TTC28: variants seen among roughly 807,000 people sequenced by gnomAD.
TTC28 encodes the protein tetratricopeptide repeat protein 28.
In TTC28, 61 loss-of-function variants were observed where a neutral mutation model predicts 198.0. The ratio of observed to expected loss-of-function variants is 0.31; its 90% CI spans 0.25 to 0.38. The LOEUF is 0.38. Ranked by LOEUF, TTC28 falls within the 10% of genes least tolerant of loss-of-function variation. The pLI is 1.00. For synonymous variants in TTC28, 1,171 were observed against 1,297.8 expected (o/e 0.90, Z 2.10); for missense variants, 2,678 against 3,164.0 (o/e 0.85, Z 3.69).
intron 3 of TTC28, among the ~76,000 whole-genome samples, chr22:28,305,581 T>C (rs2045127481): frequency 1.3e-5 from 2 of 152,190 alleles, no homozygotes; most frequent in Admixed American, 1.3e-4. Flanking sequence ...TGAATGATGC[T>C]GCCATCAAAA....
At chr22:28,287,284 T>C (rs982681834) in intron 5 of TTC28, among the ~76,000 whole-genome samples, 6 of 152,102 alleles carry the variant, frequency 3.9e-5, no homozygotes, top group African/African-American at 1.4e-4. Context: ...TGGATATACA[T>C]ATGGGGAAAA....
At chr22:27,990,217 G>C in intron 20 of TTC28, 1 of 610,568 alleles carries the variant, frequency 1.6e-6, no homozygotes, top group South Asian at 3.4e-5. Context: ...GGGGCAAGAG[G>C]CTGTGTGGCC....
At chr22:28,386,150 C>G (rs1024926972) in intron 2 of TTC28, among the ~76,000 whole-genome samples, 2 of 150,014 alleles carry the variant, frequency 1.3e-5, no homozygotes, top group Admixed American at 6.6e-5. Context: ...TGGCGGGCGC[C>G]TGTAGTCCTA....
chr22:28,316,081 A>G (rs1479751337), intron 2 of TTC28, among the ~76,000 whole-genome samples: 1 of 151,924 alleles, frequency 6.6e-6, no homozygotes, highest in Non-Finnish European at 1.5e-5. Flanking sequence ...AGCTTGAGTT[A>G]CTCCATATTG....
chr22:28,111,904 C>T (rs1307266681), intron 6 of TTC28, among the ~76,000 whole-genome samples: 2 of 152,120 alleles, frequency 1.3e-5, no homozygotes, highest in Non-Finnish European at 2.9e-5. Flanking sequence ...TCTCCTTGGA[C>T]GCTCCCCACT....
intron 5 of TTC28, among the ~76,000 whole-genome samples, chr22:28,180,598 C>A (rs1923606345): frequency 6.6e-6 from 1 of 152,200 alleles, no homozygotes; most frequent in South Asian, 2.1e-4. Context: ...TTCAGCCCAT[C>A]ATTTGATCCT....
intron 6 of TTC28, among the ~76,000 whole-genome samples, chr22:28,139,377 C>T (rs1216135704): frequency 6.6e-6 from 1 of 152,132 alleles, no homozygotes. Context: ...ATTAAAATGA[C>T]ATTGGTAAGG....
At chr22:28,558,279 T>C (rs1290804484) in intron 2 of TTC28, among the ~76,000 whole-genome samples, 4 of 152,252 alleles carry the variant, frequency 2.6e-5, no homozygotes, top group Admixed American at 6.5e-5. Context: ...TCAGAGTTCA[T>C]TTACATGGTA....
chr22:28,148,005 TTTC>T (rs1943509157), intron 6 of TTC28, among the ~76,000 whole-genome samples: 1 of 152,220 alleles, frequency 6.6e-6, no homozygotes, highest in South Asian at 2.1e-4. Context: ...TCCTAGTGAT[TTTC>T]TTGTCTAAAA....
chr22:28,018,065 C>T (rs1938439143), intron 13 of TTC28, among the ~76,000 whole-genome samples: 2 of 152,208 alleles, frequency 1.3e-5, no homozygotes, highest in Non-Finnish European at 2.9e-5. Context: ...CTCAGCCTCC[C>T]ACCCTGGCCC....
intron 1 of TTC28, among the ~76,000 whole-genome samples, chr22:28,630,295 TA>T (rs574842119): frequency 6.2e-4 from 95 of 152,280 alleles, no homozygotes; most frequent in African/African-American, 1.9e-3. Flanking sequence ...TTTTTACTCT[TA>T]TTTTTTTTCA....
At position 27,980,414 on chromosome 22, in the gene TTC28, G is replaced by A. The variant is rs2146485578; in HGVS notation, c.*1807C>T. 1 of 152,332 alleles carries A rather than the reference G, an allele frequency of 6.6e-6. No individual in the cohort carries two copies. The allele number at this position is 152,332 out of a possible 1,614,324, so 9.4% of individuals were successfully genotyped here. On this transcript the variant is annotated 3_prime_UTR_variant, in exon 23 of 23. Transcript: ENST00000397906. ...CTTATTGTTGGCTTTTGTCAACATGGCTGTTGGTTAAATTAAAAACCCCTA... is the reference window on the plus strand; with the variant it reads ...CTTATTGTTGGCTTTTGTCAACATGACTGTTGGTTAAATTAAAAACCCCTA...
intron 5 of TTC28, among the ~76,000 whole-genome samples, chr22:28,192,339 A>T (rs1924899206): frequency 6.6e-6 from 1 of 152,136 alleles, no homozygotes; most frequent in South Asian, 2.1e-4. Context: ...AAGATGGGGA[A>T]AAAAAAGAGC....
intron 2 of TTC28, among the ~76,000 whole-genome samples, chr22:28,307,237 T>C (rs2145811347): frequency 6.6e-6 from 1 of 152,340 alleles, no homozygotes; most frequent in Non-Finnish European, 1.5e-5. Context: ...GTTATTATCC[T>C]TTGTATTCTT....
Position 27,982,721 on chromosome 22 carries a change from C to A in TTC28, c.6946G>T (p.Ala2316Ser). Reference protein sequence around the residue: ...MSPSSGHQSPAGSAPSPALSY... With the variant: ...MSPSSGHQSPSGSAPSPALSY... ...AGAGCTGGGGAGGGTGCACTGCCAG[C>A]AGGAGACTGGTGGCCGGAGCTTGGG... The change falls in exon 23 of 23, where the codon GCT (alanine) becomes TCT (serine). Residue 2316 changes from alanine (A) to serine (S), a missense_variant. Transcript: ENST00000397906. This position sits in a 1 kb window ranked among gnomAD's most constrained non-coding sequence, Gnocchi z 5.2. The A allele has an allele frequency of 6.4e-7, 1 of 1,551,534 alleles. No homozygotes were observed. Among genetic ancestry groups the A allele is most frequent in the Non-Finnish European group, 8.7e-7 (1 of 1,146,942 alleles).
At chr22:28,301,006 T>C (rs1331922810) in intron 3 of TTC28, among the ~76,000 whole-genome samples, 2 of 152,192 alleles carry the variant, frequency 1.3e-5, no homozygotes, top group African/African-American at 4.8e-5. Flanking sequence ...TATATATGTA[T>C]GTCAATGTGT....
At chr22:28,262,786 A>C (rs1191171521) in intron 5 of TTC28, among the ~76,000 whole-genome samples, 1 of 152,214 alleles carries the variant, frequency 6.6e-6, no homozygotes, top group African/African-American at 2.4e-5. Context: ...ACAAGGCCCA[A>C]GTAGAAATGG....
At chr22:28,450,951 T>A (rs1196496881) in intron 2 of TTC28, among the ~76,000 whole-genome samples, 1 of 152,142 alleles carries the variant, frequency 6.6e-6, no homozygotes. Flanking sequence ...AGGAAAGGGA[T>A]CCCAAACAGA....
At chr22:28,651,311 C>CTTTTTTTTTTTTTTTT (rs111469498) in intron 1 of TTC28, among the ~76,000 whole-genome samples, 5,443 of 146,326 alleles carry the variant, frequency 0.037, 381 homozygotes, top group African/African-American at 0.13. Context: ...TCTGTCACTC[C>CTTTTTTTTTTTTTTTT]TTTTTTTTGA....
Sources: allele counts gnomAD v4.1 joint callset (sites outside exome capture counted in the v4.1 genomes callset), GRCh38; gene constraint gnomAD v4.1.1; non-coding constraint Gnocchi (gnomAD v3.1); transcripts MANE v1.5; gene names NCBI Gene and HGNC (gene_info 2026-07-23, HGNC 2026-07-21).